MYO16: variants seen among roughly 807,000 people sequenced by gnomAD.
MYO16 encodes the protein myosin XVI, also known as unconventional myosin-XVI.
A neutral mutation model predicts 205.3 loss-of-function variants in MYO16; 94 were observed. That is an observed-to-expected ratio of 0.46 (90% confidence interval 0.39 to 0.54). The LOEUF is 0.54. Among genes scored for constraint, MYO16 ranks in the 20% least tolerant of loss-of-function variants. The pLI, the probability that MYO16 is intolerant of heterozygous loss-of-function variation, is 0.00. For synonymous variants in MYO16, 988 were observed against 954.0 expected, an observed-to-expected ratio of 1.04 and a Z score of -0.66; for missense variants, 2,315 against 2,387.5, an observed-to-expected ratio of 0.97 and a Z score of 0.63.
chr13:108,672,393 T>G (rs532506301), intron 2 of MYO16, among the ~76,000 whole-genome samples: 42 of 152,308 alleles, frequency 2.8e-4, no homozygotes, highest in Admixed American at 3.3e-4. Flanking sequence ...GTATGAAATT[T>G]TATCTCTTAT....
chr13:108,625,060 C>G (rs1879681616), upstream of MYO16, among the ~76,000 whole-genome samples: 1 of 152,128 alleles, frequency 6.6e-6, no homozygotes, highest in South Asian at 2.1e-4. Flanking sequence ...CCTCACTGCC[C>G]TCTGACATGG....
chr13:108,592,083 T>C (rs966322445), upstream of MYO16, among the ~76,000 whole-genome samples: 2 of 23,570 alleles, frequency 8.5e-5, no homozygotes, highest in Non-Finnish European at 1.5e-4. Flanking sequence ...GGGGTGGGGG[T>C]GGAGGTGCAG....
intron 34 of MYO16, among the ~76,000 whole-genome samples, chr13:109,200,699 T>G (rs546127709): frequency 0.012 from 1,813 of 151,324 alleles, 14 homozygotes; most frequent in Non-Finnish European, 0.021. Context: ...TTTTTTTTTT[T>G]GTCAAAATCC....
At chr13:108,853,986 G>GTGTGTGTT in intron 10 of MYO16, among the ~76,000 whole-genome samples, 1 of 147,958 alleles carries the variant, frequency 6.8e-6, no homozygotes, top group Admixed American at 6.8e-5. Flanking sequence ...GTGTGTGTGT[G>GTGTGTGTT]TATTTTTGTT....
chr13:109,136,096 T>C (rs1876762928), intron 31 of MYO16, among the ~76,000 whole-genome samples: 1 of 151,614 alleles, frequency 6.6e-6, no homozygotes, highest in African/African-American at 2.4e-5. Flanking sequence ...CTTCCTTCCT[T>C]CCTTTTTTTG....
At chr13:109,200,605 G>GTA (rs1880356341) in intron 34 of MYO16, among the ~76,000 whole-genome samples, 1 of 151,734 alleles carries the variant, frequency 6.6e-6, no homozygotes, top group Non-Finnish European at 1.5e-5. Flanking sequence ...GATATTTTTA[G>GTA]TAAACACTGA....
intron 33 of MYO16, among the ~76,000 whole-genome samples, chr13:109,178,266 G>T (rs149556235): frequency 1.3e-5 from 2 of 152,004 alleles, no homozygotes; most frequent in Non-Finnish European, 2.9e-5. Flanking sequence ...GCCTGTGGCC[G>T]AGATCTGTTC....
intron 32 of MYO16, among the ~76,000 whole-genome samples, chr13:109,163,619 T>C (rs2139873498): frequency 6.6e-6 from 1 of 152,084 alleles, no homozygotes; most frequent in East Asian, 1.9e-4. Flanking sequence ...CTACCTTCTT[T>C]CTGTAGATTG....
At chr13:108,555,698 A>G in the MYO16 span, among the ~76,000 whole-genome samples, 154 of 152,292 alleles carry the variant, frequency 1.0e-3, 2 homozygotes, top group Non-Finnish European at 2.4e-4. Context: ...AACATATTCT[A>G]TCTAACTGAA....
At chr13:108,737,610 G>A (rs1282607117) in intron 4 of MYO16, among the ~76,000 whole-genome samples, 4 of 152,078 alleles carry the variant, frequency 2.6e-5, no homozygotes, top group Non-Finnish European at 5.9e-5. Flanking sequence ...TTTTTGTTGT[G>A]TCTCTGCCAG....
chr13:108,595,023 G>C (rs1332832099), upstream of MYO16, among the ~76,000 whole-genome samples: 1 of 152,156 alleles, frequency 6.6e-6, no homozygotes, highest in South Asian at 2.1e-4. Context: ...GATCAAAAGC[G>C]AATTTATTCC....
At chr13:108,906,663 C>A (rs1880993008) in intron 15 of MYO16, among the ~76,000 whole-genome samples, 1 of 152,152 alleles carries the variant, frequency 6.6e-6, no homozygotes, top group Non-Finnish European at 1.5e-5. Flanking sequence ...GTGAAAAGGC[C>A]TGCAACAGAA....
At chr13:109,176,261 T>G (rs7324344) in intron 33 of MYO16, among the ~76,000 whole-genome samples, 1 of 140,854 alleles carries the variant, frequency 7.1e-6, no homozygotes, top group Non-Finnish European at 1.5e-5. Flanking sequence ...TAGCCATTCA[T>G]ATTTTCATAT....
intron 1 of MYO16, among the ~76,000 whole-genome samples, chr13:108,622,050 A>G (rs1566509907): frequency 6.6e-6 from 1 of 152,092 alleles, no homozygotes; most frequent in Non-Finnish European, 1.5e-5. Flanking sequence ...TGTCCCCCAC[A>G]GATTGGGAGG....
chr13:109,182,289 A>G (rs1353312337), intron 34 of MYO16, among the ~76,000 whole-genome samples: 1 of 152,176 alleles, frequency 6.6e-6, no homozygotes, highest in Non-Finnish European at 1.5e-5. Context: ...TGACAGCTGG[A>G]CAAACACATG....
At chr13:109,161,042 C>T (rs533487588) in intron 32 of MYO16, among the ~76,000 whole-genome samples, 3 of 152,162 alleles carry the variant, frequency 2.0e-5, no homozygotes, top group South Asian at 2.1e-4. Context: ...AGTCAGGGCA[C>T]GGCTGCTTTC....
At chr13:109,009,128 A>T in intron 22 of MYO16, 79 bp downstream of exon 22, 1 of 1,220,482 alleles carries the variant, frequency 8.2e-7, no homozygotes, top group Non-Finnish European at 1.1e-6. Context: ...TTCTTTCAGG[A>T]CGCCTTATTT....
the MYO16 span, among the ~76,000 whole-genome samples, chr13:108,557,336 C>A: frequency 6.6e-6 from 1 of 151,986 alleles, no homozygotes; most frequent in East Asian, 1.9e-4. Context: ...ATGCACAGGT[C>A]TTTCATCTAT....
At chr13:109,084,139 C>T (rs892217260) in intron 27 of MYO16, among the ~76,000 whole-genome samples, 1 of 152,128 alleles carries the variant, frequency 6.6e-6, no homozygotes, top group Admixed American at 6.5e-5. Context: ...TAGAAGAAGA[C>T]ACATCTAAAG....
Sources: allele counts gnomAD v4.1 joint callset (sites outside exome capture counted in the v4.1 genomes callset), GRCh38; gene constraint gnomAD v4.1.1; transcripts MANE v1.5; gene names NCBI Gene and HGNC (gene_info 2026-07-23, HGNC 2026-07-21).